The following ALMS1 variants were observed in gnomAD, a reference collection of about 807,000 sequenced individuals.
ALMS1 encodes the protein ALMS1 centrosome and basal body associated protein, also known as centrosome-associated protein ALMS1.
Under a neutral mutation model 352.2 loss-of-function variants are expected in ALMS1, and 271 were observed. That is an observed-to-expected ratio of 0.77 (90% CI 0.70 to 0.85). The LOEUF is 0.85. ALMS1 is among the 40% of genes least tolerant of loss of function. The pLI is 0.00. For synonymous variants in ALMS1, 1,865 were observed against 1,761.2 expected (o/e 1.06, Z -1.48); for missense variants, 5,445 against 4,870.7 (o/e 1.12, Z -3.51).
At chr2:73,462,412 A>AT (rs1672224792) in intron 9 of ALMS1, among the ~76,000 whole-genome samples, 1 of 152,198 alleles carries the variant, frequency 6.6e-6, no homozygotes, top group African/African-American at 2.4e-5. Flanking sequence ...ATGCTGAGAG[A>AT]TTTTGTCACC....
In ALMS1 at chr2:73,491,036, A is replaced by G; in HGVS notation, c.9077A>G (p.Asn3026Ser). ...ACTGTGGTCTCCCAGTCAGCCCCAA[A>G]TCACTGTACATTAGCAGCATCTGCA... is the stretch of plus-strand genomic sequence containing the variant. Reference protein sequence around the residue: ...FNTVVSQSAPNHCTLAASAST... With the variant: ...FNTVVSQSAPSHCTLAASAST... Residue 3026 changes from asparagine (N) to serine (S), a missense_variant, in exon 10 of 23, where the codon AAT (asparagine) becomes AGT (serine). Coordinates refer to ENST00000613296, the MANE Select transcript of ALMS1 (RefSeq NM_001378454.1). 3 of 1,614,160 alleles carry G rather than the reference A, an allele frequency of 1.9e-6. No individual in the cohort carries two copies. The highest frequency in any genetic ancestry group is 2.5e-6 in the Non-Finnish European group (3 of 1,180,012).
intron 16 of ALMS1, among the ~76,000 whole-genome samples, chr2:73,574,176 T>G (rs1030362094): frequency 2.6e-5 from 4 of 152,204 alleles, no homozygotes; most frequent in African/African-American, 9.6e-5. Context: ...ATCTGTCTTC[T>G]TAAAGAAGGC....
intron 7 of ALMS1, among the ~76,000 whole-genome samples, chr2:73,438,117 G>A (rs1671641765): frequency 6.6e-6 from 1 of 152,138 alleles, no homozygotes; most frequent in Non-Finnish European, 1.5e-5. Flanking sequence ...TCTGTGCAGT[G>A]TTGTATTTAG....
intron 10 of ALMS1, among the ~76,000 whole-genome samples, 200 bp downstream of exon 10, chr2:73,491,698 T>C (rs1280865796): frequency 3.9e-5 from 6 of 152,242 alleles, no homozygotes; most frequent in Non-Finnish European, 8.8e-5. Flanking sequence ...CATTTATATT[T>C]CAGAGGGCTT....
chr2:73,599,648 C>A, intron 17 of ALMS1, 127 bp downstream of exon 17: 1 of 1,178,796 alleles, frequency 8.5e-7, no homozygotes, highest in Non-Finnish European at 1.2e-6. Context: ...CAATTTTCAT[C>A]TTGTCAGATT....
intron 21 of ALMS1, chr2:73,603,634 C>G (rs1346005924): frequency 2.9e-6 from 1 of 347,028 alleles, no homozygotes; most frequent in Non-Finnish European, 5.6e-6. Flanking sequence ...CCGAGGTGTG[C>G]AGATCACATG....
intron 7 of ALMS1, among the ~76,000 whole-genome samples, chr2:73,440,442 C>T (rs889279205): frequency 2.0e-5 from 3 of 152,080 alleles, no homozygotes; most frequent in Admixed American, 6.6e-5. Context: ...CTCTCTCTCG[C>T]GTTCGCTGTC....
At chr2:73,466,897 A>G (rs996445468) in intron 9 of ALMS1, among the ~76,000 whole-genome samples, 2 of 152,098 alleles carry the variant, frequency 1.3e-5, no homozygotes, top group African/African-American at 2.4e-5. Context: ...ATTTTTTCCA[A>G]GTTTCTTAAG....
chr2:73,539,422 G>A (rs1192762292), intron 12 of ALMS1, among the ~76,000 whole-genome samples: 9 of 152,148 alleles, frequency 5.9e-5, no homozygotes, highest in South Asian at 4.2e-4. Context: ...ACAGAGATGG[G>A]GAAAAAACAG....
At chr2:73,531,224 C>T (rs972453294) in intron 11 of ALMS1, among the ~76,000 whole-genome samples, 1 of 152,136 alleles carries the variant, frequency 6.6e-6, no homozygotes, top group Non-Finnish European at 1.5e-5. Flanking sequence ...AATTTCAAAC[C>T]CTCTCTTTGT....
At chr2:73,564,215 C>T (rs1674731092) in intron 15 of ALMS1, among the ~76,000 whole-genome samples, 1 of 151,974 alleles carries the variant, frequency 6.6e-6, no homozygotes, top group African/African-American at 2.4e-5. Context: ...TCTATAATCC[C>T]AGCACTTTGG....
intron 10 of ALMS1, among the ~76,000 whole-genome samples, chr2:73,516,855 A>G (rs9309473): frequency 0.3 from 45,486 of 151,960 alleles, 8,280 homozygotes; most frequent in African/African-American, 0.51. Context: ...CTTACCTTTA[A>G]AAGTTCTCTC....
At chr2:73,508,147 C>T (rs1673374248) in intron 10 of ALMS1, among the ~76,000 whole-genome samples, 1 of 128,198 alleles carries the variant, frequency 7.8e-6, no homozygotes, top group South Asian at 2.2e-4. Context: ...CTTTCCCTTT[C>T]CTTTCCTTTC....
At chr2:73,604,873 G>A (rs1474815241) in intron 21 of ALMS1, among the ~76,000 whole-genome samples, 1 of 152,178 alleles carries the variant, frequency 6.6e-6, no homozygotes, top group African/African-American at 2.4e-5. Context: ...CAAGACAGTG[G>A]CACCAAACTG....
At chr2:73,581,809 A>G (rs530293836) in intron 16 of ALMS1, among the ~76,000 whole-genome samples, 15 of 152,070 alleles carry the variant, frequency 9.9e-5, no homozygotes, top group Middle Eastern at 3.4e-3. Context: ...CAGTGGCACA[A>G]TCTCAGCTCA....
At chr2:73,594,558 C>T (rs1474969161) in intron 16 of ALMS1, among the ~76,000 whole-genome samples, 1 of 152,202 alleles carries the variant, frequency 6.6e-6, no homozygotes, top group Non-Finnish European at 1.5e-5. Flanking sequence ...ATCAACACTT[C>T]TGCTGCATCT....
intron 1 of ALMS1, among the ~76,000 whole-genome samples, chr2:73,389,963 A>T (rs959698888): frequency 2.0e-5 from 3 of 152,206 alleles, no homozygotes; most frequent in Non-Finnish European, 4.4e-5. Context: ...TTGGGATTAG[A>T]GGCATGAGCC....
At chr2:73,542,646 G>A (rs951905586) in intron 12 of ALMS1, among the ~76,000 whole-genome samples, 4 of 152,152 alleles carry the variant, frequency 2.6e-5, no homozygotes, top group African/African-American at 9.7e-5. Context: ...TCCTTAAGCT[G>A]ATAAGCAACT....
intron 9 of ALMS1, among the ~76,000 whole-genome samples, chr2:73,481,542 A>T (rs1248401310): frequency 1.3e-5 from 2 of 152,008 alleles, no homozygotes; most frequent in Non-Finnish European, 2.9e-5. Context: ...TTGGCTTAGG[A>T]TTGACTTGGC....
Sources: gnomAD v4.1 joint callset for allele counts (sites outside exome capture counted in the v4.1 genomes callset) on GRCh38, gnomAD v4.1.1 for gene constraint, MANE v1.5 for transcripts, NCBI Gene and HGNC (gene_info 2026-07-23, HGNC 2026-07-21) for gene names.